The following TANC2 variants were observed in gnomAD, a reference collection of about 807,000 sequenced individuals.
TANC2 encodes the protein protein TANC2.
A neutral mutation model predicts 210.5 loss-of-function variants in TANC2; 26 were observed. The ratio of observed to expected loss-of-function variants is 0.12; its 90% CI spans 0.09 to 0.17. The LOEUF (loss-of-function observed/expected upper bound fraction) is 0.17. Ranked by LOEUF, TANC2 falls within the 10% of genes least tolerant of loss-of-function variation. The pLI is 1.00. For missense variants in TANC2, 2,129 were observed against 2,608.9 expected, an observed-to-expected ratio of 0.82 and a Z score of 4.01; for synonymous variants, 931 against 967.1, an observed-to-expected ratio of 0.96 and a Z score of 0.69.
intron 5 of TANC2, among the ~76,000 whole-genome samples, chr17:63,169,200 G>A (rs1045108377): frequency 2.0e-5 from 3 of 152,118 alleles, no homozygotes; most frequent in Non-Finnish European, 4.4e-5. Context: ...ACAGTGTTAA[G>A]AATTATCTTG....
chr17:63,224,559 A>G (rs1056895413), intron 7 of TANC2, among the ~76,000 whole-genome samples: 2 of 152,136 alleles, frequency 1.3e-5, no homozygotes, highest in Non-Finnish European at 2.9e-5. Context: ...GATCTTTACA[A>G]TAATATATCC....
At chr17:63,332,705 G>A (rs1255991578) in intron 11 of TANC2, among the ~76,000 whole-genome samples, 1 of 152,122 alleles carries the variant, frequency 6.6e-6, no homozygotes. Context: ...TGCCACCTAG[G>A]ACTTTCATAG....
chr17:63,298,304 T>C (rs2044601234), intron 9 of TANC2, among the ~76,000 whole-genome samples: 1 of 152,168 alleles, frequency 6.6e-6, no homozygotes, highest in Non-Finnish European at 1.5e-5. Context: ...AATCCAAATA[T>C]TCATCAGTGG....
At chr17:63,294,992 C>T (rs1377459856) in intron 9 of TANC2, among the ~76,000 whole-genome samples, 2 of 152,162 alleles carry the variant, frequency 1.3e-5, no homozygotes, top group Non-Finnish European at 2.9e-5. Context: ...AATAAAGAAA[C>T]ATTTATTTAG....
intron 21 of TANC2, among the ~76,000 whole-genome samples, chr17:63,406,814 A>C (rs1395007281): frequency 1.3e-5 from 2 of 152,228 alleles, no homozygotes. Flanking sequence ...ATCATAAAGT[A>C]CGTCAGGCTC....
chr17:63,184,873 C>T (rs2040922099), intron 5 of TANC2, among the ~76,000 whole-genome samples: 1 of 151,588 alleles, frequency 6.6e-6, no homozygotes, highest in South Asian at 2.1e-4. Context: ...GTCAGATGAT[C>T]CCCCCACCTC....
intron 9 of TANC2, among the ~76,000 whole-genome samples, chr17:63,275,857 G>A (rs1282386595): frequency 6.6e-6 from 1 of 152,108 alleles, no homozygotes; most frequent in Non-Finnish European, 1.5e-5. Context: ...CTCTCATCAT[G>A]ACATCTAACT....
chr17:63,055,150 A>G (rs1257870771), intron 2 of TANC2, among the ~76,000 whole-genome samples: 1 of 152,184 alleles, frequency 6.6e-6, no homozygotes, highest in Non-Finnish European at 1.5e-5. Context: ...GACTTTCTCT[A>G]ACTTAAATTC....
chr17:63,139,046 A>G (rs533366935), intron 4 of TANC2, among the ~76,000 whole-genome samples: 2 of 152,306 alleles, frequency 1.3e-5, no homozygotes, highest in South Asian at 4.2e-4. Flanking sequence ...GATGGCAAAA[A>G]TTTTTTAAGA....
intron 2 of TANC2, among the ~76,000 whole-genome samples, chr17:63,036,808 A>T (rs1271714894): frequency 1.3e-5 from 2 of 150,356 alleles, no homozygotes; most frequent in South Asian, 4.2e-4. Flanking sequence ...TTTCCAGCAT[A>T]TAGATCTTGT....
intron 14 of TANC2, among the ~76,000 whole-genome samples, chr17:63,356,005 A>G (rs1180068629): frequency 6.6e-6 from 1 of 152,112 alleles, no homozygotes; most frequent in African/African-American, 2.4e-5. Context: ...CAACTTGCAC[A>G]AAGTCATAAG....
intron 2 of TANC2, among the ~76,000 whole-genome samples, chr17:63,053,051 T>C (rs1041906533): frequency 6.6e-6 from 1 of 152,234 alleles, no homozygotes; most frequent in African/African-American, 2.4e-5. Context: ...TATTAGATTG[T>C]ATAACTCTAG....
intron 10 of TANC2, 46 bp from the exon 11 acceptor site, chr17:63,318,911 G>C: frequency 6.2e-7 from 1 of 1,608,556 alleles, no homozygotes; most frequent in South Asian, 1.1e-5. Flanking sequence ...TTTCCTTAAA[G>C]TTTTTATGAT....
chr17:63,264,937 C>T (rs1190427546), intron 8 of TANC2, among the ~76,000 whole-genome samples: 5 of 152,046 alleles, frequency 3.3e-5, no homozygotes, highest in East Asian at 1.9e-4. Flanking sequence ...CTAATCTGGG[C>T]GACAGAGTGA....
intron 11 of TANC2, among the ~76,000 whole-genome samples, chr17:63,319,453 T>C (rs572100694): frequency 1.3e-5 from 2 of 152,336 alleles, no homozygotes; most frequent in South Asian, 4.1e-4. Context: ...CAAGTGATTC[T>C]TGTTCCTCAG....
intron 5 of TANC2, among the ~76,000 whole-genome samples, chr17:63,170,738 T>C (rs1006335659): frequency 6.6e-6 from 1 of 152,204 alleles, no homozygotes; most frequent in Non-Finnish European, 1.5e-5. Context: ...ATCGAAATGG[T>C]ATTATTAACC....
At position 62,966,535 on chromosome 17, in the gene TANC2, C is replaced by A. The variant is rs924559758; in HGVS notation, c.-238C>A. Reference sequence around the variant, plus strand: ...GAGCCGAGGGGCGAGAGCTGGCCCCCGAGCCGCCGCTGACAGGAGCACCGC... The same window carrying A: ...GAGCCGAGGGGCGAGAGCTGGCCCCAGAGCCGCCGCTGACAGGAGCACCGC... On this transcript the variant is annotated 5_prime_UTR_variant, in exon 1 of 28. Coordinates refer to ENST00000689528, the Ensembl canonical transcript of TANC2. This position sits in a 1 kb window ranked among gnomAD's most constrained non-coding sequence, Gnocchi z 5.1. Among the ~76,000 whole-genome samples the A allele has an allele frequency of 6.7e-6, 1 of 150,208 alleles. No individual in the cohort carries two copies. The highest frequency in any genetic ancestry group is 1.5e-5 in the Non-Finnish European group (1 of 67,362).
intron 7 of TANC2, among the ~76,000 whole-genome samples, chr17:63,210,535 CCTACTTTTTATTTA>C (rs1193298452): frequency 6.6e-6 from 1 of 152,030 alleles, no homozygotes; most frequent in Non-Finnish European, 1.5e-5. Flanking sequence ...ATTTATGTCT[CCTACTTTTTATTTA>C]CTCTCGGGAT....
chr17:63,388,199 T>C (rs1380892259), intron 15 of TANC2: 8 of 152,962 alleles, frequency 5.2e-5, no homozygotes, highest in Admixed American at 5.2e-4. Flanking sequence ...CAGAATTCAG[T>C]CACATGGCCT....
Sources: allele counts gnomAD v4.1 joint callset (sites outside exome capture counted in the v4.1 genomes callset), GRCh38; gene constraint gnomAD v4.1.1; non-coding constraint Gnocchi (gnomAD v3.1); transcripts MANE v1.5; gene names NCBI Gene and HGNC (gene_info 2026-07-23, HGNC 2026-07-21).